Variants in MASP1 observed in about 807,000 individuals in gnomAD.
MASP1 encodes mannan-binding lectin serine protease 1.
A neutral mutation model predicts 77.1 loss-of-function variants in MASP1; 59 were observed. That is an observed-to-expected ratio of 0.77 (90% CI 0.62 to 0.95). The LOEUF (loss-of-function observed/expected upper bound fraction) is 0.95. MASP1 is among the 40% of genes least tolerant of loss of function. The pLI is 0.00. For missense variants in MASP1, 885 were observed against 912.9 expected, an observed-to-expected ratio of 0.97 and a Z score of 0.39; for synonymous variants, 362 against 354.5, an observed-to-expected ratio of 1.02 and a Z score of -0.24.
chr3:187,291,477 C>T, intron 1 of MASP1, 151 bp downstream of exon 1: 1 of 1,070,712 alleles, frequency 9.3e-7, no homozygotes, highest in Non-Finnish European at 1.4e-6. Context: ...CCACAGCTCC[C>T]TTCTCAGAGC....
chr3:187,246,250 C>T (rs143258239), intron 8 of MASP1: 1 of 346,556 alleles, frequency 2.9e-6, no homozygotes, highest in East Asian at 1.7e-4. Context: ...TGGAATATAT[C>T]TAATGTTGTC....
rs540625602 is a variant in MASP1, at chr3:187,283,703, T to C, written c.237+2122A>G. 1.1e-4 allele frequency among the ~76,000 whole-genome samples: 17 copies of C among 152,268 alleles called. No homozygotes were observed. In the South Asian group the frequency reaches 3.5e-3, roughly 32 times the overall value. ...TAGCATGTTTGAAAGTAGAGAAAAA[T>C]GTGGTTAGAAAGTTCATATCTAGCC... On this transcript the variant is annotated intron_variant, in intron 2 of 10. Transcript: ENST00000296280.
At chr3:187,250,457 C>T (rs1714480406) in intron 7 of MASP1, 128 bp from the exon 8 acceptor site, 2 of 778,680 alleles carry the variant, frequency 2.6e-6, no homozygotes, top group East Asian at 4.9e-5. Flanking sequence ...CACCCATGGG[C>T]TTCCAAGGGT....
chr3:187,256,564 C>T (rs999043303), intron 5 of MASP1, 100 bp downstream of exon 5: 1 of 1,111,574 alleles, frequency 9.0e-7, no homozygotes, highest in Non-Finnish European at 1.4e-6. Context: ...GCTAGGCTCT[C>T]TATCCTGGGA....
intron 5 of MASP1, among the ~76,000 whole-genome samples, chr3:187,254,253 A>G: frequency 6.6e-6 from 1 of 152,242 alleles, no homozygotes; most frequent in East Asian, 1.9e-4. Flanking sequence ...AATCTATGTA[A>G]CCTATAGAAG....
Position 187,236,619 on chromosome 3 carries a change from GC to G in MASP1, c.1304-53del, listed in dbSNP as rs1471138263. ...CAAGAGACAGAGACTGGTCAGGTCA[GC>G]CATGTGACAGGAGCCACAAAGATAA... On this transcript the variant is annotated intron_variant, in intron 10 of 10. Coordinates refer to ENST00000296280, the MANE Select transcript of MASP1 (RefSeq NM_139125.4). 1.9e-6 allele frequency: 3 copies of G among 1,612,664 alleles called. No homozygotes were observed. The African/African-American group carries it at 4.0e-5, about 22-fold the overall frequency.
chr3:187,220,417 C>A (rs572700318), intron 15 of MASP1, among the ~76,000 whole-genome samples: 2 of 152,082 alleles, frequency 1.3e-5, no homozygotes, highest in African/African-American at 4.8e-5. Flanking sequence ...TAGGTCAGGC[C>A]GCATCAGAGC....
chr3:187,279,022 C>G (rs1393114850), intron 2 of MASP1, among the ~76,000 whole-genome samples: 1 of 151,712 alleles, frequency 6.6e-6, no homozygotes, highest in Admixed American at 6.6e-5. Context: ...ACGTCCTAGA[C>G]TAAAATGCTA....
intron 14 of MASP1, among the ~76,000 whole-genome samples, chr3:187,222,191 C>A (rs899645546): frequency 6.6e-6 from 1 of 152,160 alleles, no homozygotes; most frequent in Non-Finnish European, 1.5e-5. Context: ...CCTCCTGAAC[C>A]CCTGAGACAA....
chr3:187,288,419 TC>T lies in MASP1; in HGVS notation c.6-2364del, dbSNP rs2108615793. 1.3e-5 allele frequency among the ~76,000 whole-genome samples: 2 copies of T among 152,128 alleles called. 1 individual carries two copies. Among genetic ancestry groups the T allele is most frequent in the Middle Eastern group, 6.8e-3 (2 of 292 alleles). Reference sequence around the variant, plus strand: ...AGGAGGGGAGGGCACTGGCCCTGGGTCAAAAGAGCTAGATTCAGCTCCAGCT... The same window carrying T: ...AGGAGGGGAGGGCACTGGCCCTGGGTAAAAGAGCTAGATTCAGCTCCAGCT... On this transcript the variant is annotated intron_variant, in intron 1 of 10. Transcript: ENST00000296280.
chr3:187,247,327 C>T (rs769276921), intron 8 of MASP1: 115 of 1,613,836 alleles, frequency 7.1e-5, no homozygotes, highest in South Asian at 8.8e-5. Flanking sequence ...TGTGGGGTCC[C>T]GTCATTCACT....
chr3:187,255,084 C>T (rs1337665889), intron 5 of MASP1, among the ~76,000 whole-genome samples: 1 of 152,034 alleles, frequency 6.6e-6, no homozygotes, highest in African/African-American at 2.4e-5. Flanking sequence ...AGGGATTTTG[C>T]AGATGTATTA....
rs113752809 is a variant in MASP1 at position 187,272,319 on chromosome 3, C to T, written c.238-9599G>A. ...GGTTTTCTGTTTCTTTAGGATGCAACGCCTTACTTATTGGGGCATCTCATT... is the reference window on the plus strand; with the variant it reads ...GGTTTTCTGTTTCTTTAGGATGCAATGCCTTACTTATTGGGGCATCTCATT... On this transcript the variant is annotated intron_variant, in intron 2 of 10. Transcript: ENST00000296280. Among the ~76,000 whole-genome samples the T allele has an allele frequency of 6.8e-3, 1,041 of 152,268 alleles. 15 individuals are homozygous for T. Among genetic ancestry groups the T allele is most frequent in the African/African-American group, 0.024 (1,000 of 41,542 alleles).
downstream of MASP1, among the ~76,000 whole-genome samples, chr3:187,232,663 G>A (rs572012549): frequency 4.2e-4 from 64 of 152,164 alleles, no homozygotes; most frequent in African/African-American, 1.1e-3. Flanking sequence ...GTGTCTCCCC[G>A]ACTCCATGTC....
rs932619253 is a variant in MASP1 at position 187,235,292 on chromosome 3, C to T, written c.*392G>A. On this transcript the variant is annotated 3_prime_UTR_variant, in exon 11 of 11. Coordinates refer to ENST00000296280, the MANE Select transcript of MASP1 (RefSeq NM_139125.4). The stretch of plus-strand genomic sequence containing the variant: ...AGAAACCATTTTCTAATAGTCAGGT[C>T]CAAGCTCAGTTATACCAACAGTAGG... 6 of 1,318,684 alleles carry T rather than the reference C, an allele frequency of 4.5e-6. No individual in the cohort carries two copies. Among genetic ancestry groups the T allele is most frequent in the Non-Finnish European group, 4.0e-6 (4 of 1,010,200 alleles). 81.7% of individuals were successfully genotyped at this position (1,318,684 alleles called of 1,614,324 possible). A position where few individuals can be genotyped will look rare whatever the true frequency, so the allele number is the denominator to read the frequency against.
intron 10 of MASP1, among the ~76,000 whole-genome samples, chr3:187,238,406 G>A (rs1713348262): frequency 6.6e-6 from 1 of 152,228 alleles, no homozygotes. Flanking sequence ...TCCTTGATGT[G>A]TTCTTGTCCT....
rs1368705754 is a variant in MASP1, at chr3:187,235,354, G to A, written c.*330C>T. ...TGATAAGTGGTCAGGAGTGAATAAAGGCCACTGGGGTAAGAAGCATGGCCT... is the reference window on the plus strand; with the variant it reads ...TGATAAGTGGTCAGGAGTGAATAAAAGCCACTGGGGTAAGAAGCATGGCCT... On this transcript the variant is annotated 3_prime_UTR_variant, in exon 11 of 11. Transcript: ENST00000296280. 7.1e-7 allele frequency: 1 copy of A among 1,400,034 alleles called. No individual in the cohort carries two copies. Among genetic ancestry groups the A allele is most frequent in the Non-Finnish European group, 9.4e-7 (1 of 1,061,740 alleles). 86.7% of individuals were successfully genotyped at this position (1,400,034 alleles called of 1,614,324 possible).
exon 15 of MASP1, chr3:187,221,124 G>T: frequency 6.2e-7 from 1 of 1,613,580 alleles, no homozygotes; most frequent in Non-Finnish European, 8.5e-7. Flanking sequence ...GTCAACAATC[G>T]GGATTTCAAT....
At chr3:187,223,715 G>A (rs1395696959) in intron 13 of MASP1, among the ~76,000 whole-genome samples, 1 of 152,206 alleles carries the variant, frequency 6.6e-6, no homozygotes, top group African/African-American at 2.4e-5. Flanking sequence ...CATTCTAGAA[G>A]TCTATGAAGT....
Sources: allele counts gnomAD v4.1 joint callset (sites outside exome capture counted in the v4.1 genomes callset), GRCh38; gene constraint gnomAD v4.1.1; transcripts MANE v1.5; gene names NCBI Gene and HGNC (gene_info 2026-07-23, HGNC 2026-07-21).